Variants in FER1L6 observed in about 807,000 individuals in gnomAD.
FER1L6 encodes fer-1 like family member 6.
A neutral mutation model predicts 219.2 loss-of-function variants in FER1L6; 177 were observed. The ratio of observed to expected loss-of-function variants is 0.81; its 90% CI spans 0.71 to 0.91. The LOEUF (loss-of-function observed/expected upper bound fraction) is 0.91. Ranked by LOEUF, FER1L6 falls within the 40% of genes least tolerant of loss-of-function variation. The probability of loss-of-function intolerance (pLI) is 0.00; values close to 1 mark genes in which losing one functional copy is unlikely to be tolerated. For missense variants in FER1L6, 2,153 were observed against 2,259.9 expected (o/e 0.95, Z 0.96); for synonymous variants, 768 against 824.3 (o/e 0.93, Z 1.17).
intron 35 of FER1L6, among the ~76,000 whole-genome samples, chr8:124,096,119 G>A (rs1018918626): frequency 7.2e-5 from 11 of 152,310 alleles, no homozygotes; most frequent in African/African-American, 2.2e-4. Context: ...GGACGACCGC[G>A]TTGAGAGGGT....
chr8:123,915,592 T>C (rs1363104098), intron 1 of FER1L6, among the ~76,000 whole-genome samples: 3 of 152,162 alleles, frequency 2.0e-5, no homozygotes, highest in Non-Finnish European at 2.9e-5. Context: ...AGGCACTAGG[T>C]CCACAAAAAT....
chr8:123,998,381 T>C (rs1817242146), intron 12 of FER1L6, among the ~76,000 whole-genome samples: 1 of 122,072 alleles, frequency 8.2e-6, no homozygotes, highest in Non-Finnish European at 1.6e-5. Context: ...AAACTCTCTC[T>C]CTCTCTCTCT....
intron 6 of FER1L6, among the ~76,000 whole-genome samples, chr8:123,972,206 GGA>G (rs1423127081): frequency 1.3e-5 from 2 of 152,174 alleles, no homozygotes; most frequent in African/African-American, 4.8e-5. Context: ...TTTAGGTTAG[GGA>G]GAGAGAGTGG....
At chr8:123,900,402 C>T (rs570133758) in intron 1 of FER1L6, among the ~76,000 whole-genome samples, 120 of 152,184 alleles carry the variant, frequency 7.9e-4, no homozygotes, top group Non-Finnish European at 1.5e-3. Context: ...GAGGAGTCTT[C>T]AGGGTTTTCA....
At chr8:123,947,157 G>A (rs59878612) in intron 1 of FER1L6, among the ~76,000 whole-genome samples, 21,491 of 151,744 alleles carry the variant, frequency 0.14, 1,739 homozygotes, top group African/African-American at 0.23. Context: ...GTGGTGGCAC[G>A]TGCCTGTAGT....
chr8:124,092,909 G>A (rs1020484604), intron 34 of FER1L6, among the ~76,000 whole-genome samples: 1 of 149,940 alleles, frequency 6.7e-6, no homozygotes, highest in South Asian at 2.1e-4. Context: ...AGGCTGGAGT[G>A]CAGTGGCATG....
intron 1 of FER1L6, among the ~76,000 whole-genome samples, chr8:123,906,435 C>T (rs115050399): frequency 0.014 from 2,182 of 152,214 alleles, 57 homozygotes; most frequent in African/African-American, 0.05. Flanking sequence ...AGATACCCTA[C>T]ATCCTTTCTC....
intron 3 of FER1L6, among the ~76,000 whole-genome samples, chr8:123,964,412 A>G (rs753924717): frequency 3.6e-4 from 55 of 152,248 alleles, no homozygotes; most frequent in Non-Finnish European, 6.0e-4. Flanking sequence ...CTGGGTTGTG[A>G]CAGGATGGCA....
chr8:124,076,527 T>C (rs536294605), intron 32 of FER1L6, among the ~76,000 whole-genome samples: 3 of 152,178 alleles, frequency 2.0e-5, no homozygotes, highest in Non-Finnish European at 2.9e-5. Flanking sequence ...CCTGAGGAAT[T>C]TGGTGGTACT....
intron 1 of FER1L6, among the ~76,000 whole-genome samples, chr8:123,857,677 C>T (rs1816671895): frequency 6.6e-6 from 1 of 152,112 alleles, no homozygotes; most frequent in Admixed American, 6.6e-5. Context: ...TGGATGGGCT[C>T]GTCCTGGTGG....
chr8:124,080,994 C>G (rs1821521253), intron 32 of FER1L6, among the ~76,000 whole-genome samples: 2 of 152,358 alleles, frequency 1.3e-5, no homozygotes, highest in Middle Eastern at 3.4e-3. Flanking sequence ...CTGCTTTTCT[C>G]TCTCTGAGGA....
intron 1 of FER1L6, among the ~76,000 whole-genome samples, chr8:123,858,383 G>C (rs1816684850): frequency 6.6e-6 from 1 of 152,202 alleles, no homozygotes; most frequent in Non-Finnish European, 1.5e-5. Flanking sequence ...GTGAGTGTTT[G>C]GAAGATGTAT....
At chr8:124,057,506 A>G (rs1820356669) in intron 22 of FER1L6, among the ~76,000 whole-genome samples, 1 of 152,118 alleles carries the variant, frequency 6.6e-6, no homozygotes, top group Non-Finnish European at 1.5e-5. Context: ...GATGTTTTAA[A>G]TTAGTTTTGG....
chr8:123,936,025 T>C (rs190781389), intron 1 of FER1L6, among the ~76,000 whole-genome samples: 1 of 152,186 alleles, frequency 6.6e-6, no homozygotes, highest in East Asian at 1.9e-4. Flanking sequence ...ATGGTTTGCA[T>C]TTCACTTGCT....
chr8:124,118,229 A>C (rs1048007805), intron 39 of FER1L6, among the ~76,000 whole-genome samples: 5 of 152,196 alleles, frequency 3.3e-5, no homozygotes, highest in Non-Finnish European at 5.9e-5. Context: ...ATAAATCAAG[A>C]CATACATCCC....
chr8:124,093,781 T>A (rs901097995), intron 34 of FER1L6, among the ~76,000 whole-genome samples: 4 of 151,678 alleles, frequency 2.6e-5, no homozygotes, highest in African/African-American at 9.7e-5. Context: ...GCCCCTTTAT[T>A]TTTATTACTT....
At chr8:123,922,553 A>G (rs527862394) in intron 1 of FER1L6, among the ~76,000 whole-genome samples, 2 of 152,248 alleles carry the variant, frequency 1.3e-5, no homozygotes, top group East Asian at 3.9e-4. Flanking sequence ...TGTGTGTGCC[A>G]GGGACTCAGA....
intron 19 of FER1L6, among the ~76,000 whole-genome samples, chr8:124,037,783 C>G (rs1819285538): frequency 6.6e-6 from 1 of 152,120 alleles, no homozygotes; most frequent in African/African-American, 2.4e-5. Context: ...TTGGCACCCC[C>G]TGCCTTTCCT....
At chr8:124,045,696 G>C in intron 20 of FER1L6, 71 bp from the exon 21 acceptor site, 1 of 1,522,052 alleles carries the variant, frequency 6.6e-7, no homozygotes. Flanking sequence ...ATAAGTATTT[G>C]ATGAATGAAC....
Sources: allele counts gnomAD v4.1 joint callset (sites outside exome capture counted in the v4.1 genomes callset), GRCh38; gene constraint gnomAD v4.1.1; transcripts MANE v1.5; gene names NCBI Gene and HGNC (gene_info 2026-07-23, HGNC 2026-07-21).